TMEM276: variants seen among roughly 807,000 people sequenced by gnomAD.
The protein encoded by TMEM276 is transmembrane protein 276.
chr8:144,466,644 G>A, the TMEM276 span: 1 of 994,682 alleles, frequency 1.0e-6, no homozygotes, highest in Non-Finnish European at 1.4e-6. Context: ...CCCTCGGCTC[G>A]GCCCCGATGC....
the TMEM276 span, chr8:144,464,746 A>G: frequency 6.2e-7 from 1 of 1,603,434 alleles, no homozygotes; most frequent in Non-Finnish European, 8.5e-7. Flanking sequence ...TAATTCAGGA[A>G]ACTAGGTCCT....
the TMEM276 span, chr8:144,464,457 C>T: frequency 6.2e-7 from 1 of 1,612,324 alleles, no homozygotes; most frequent in African/African-American, 1.3e-5. Context: ...GGTCCCCATT[C>T]ACCCAGTGGA....
the TMEM276 span, chr8:144,465,150 G>A: frequency 3.5e-6 from 5 of 1,419,664 alleles, no homozygotes; most frequent in East Asian, 1.1e-4. Flanking sequence ...ACGACTCAGG[G>A]TCTAAGCTGG....
At chr8:144,465,169 T>G in the TMEM276 span, 1 of 1,374,734 alleles carries the variant, frequency 7.3e-7, no homozygotes, top group Non-Finnish European at 9.5e-7. Flanking sequence ...GGGGGGAACG[T>G]CAGCCCTGGG....
At chr8:144,466,481 G>A in the TMEM276 span, 1 of 1,333,768 alleles carries the variant, frequency 7.5e-7, no homozygotes, top group South Asian at 1.9e-5. Context: ...AGGGATGGTG[G>A]CGCCGCGGCG....
the TMEM276 span, chr8:144,464,834 A>T: frequency 6.2e-7 from 1 of 1,612,814 alleles, no homozygotes. Flanking sequence ...GGCTGCGTGC[A>T]GAGACACCAC....
the TMEM276 span, chr8:144,464,717 C>T: frequency 6.4e-7 from 1 of 1,565,654 alleles, no homozygotes; most frequent in Non-Finnish European, 8.7e-7. Flanking sequence ...CTTAGACGCA[C>T]TTCCCACCAA....
the TMEM276 span, chr8:144,464,485 G>A: frequency 6.2e-7 from 1 of 1,612,370 alleles, no homozygotes; most frequent in South Asian, 1.1e-5. Flanking sequence ...GGCCAGAAGG[G>A]GAAGGCCGAT....
the TMEM276 span, chr8:144,466,651 A>T: frequency 9.8e-7 from 1 of 1,022,382 alleles, no homozygotes; most frequent in Non-Finnish European, 1.3e-6. Context: ...CTCGGCCCCG[A>T]TGCTGGAAGC....
At chr8:144,466,662 G>T in the TMEM276 span, 3 of 1,103,778 alleles carry the variant, frequency 2.7e-6, no homozygotes, top group Non-Finnish European at 3.7e-6. Flanking sequence ...TGCTGGAAGC[G>T]TAGACTTCGG....
chr8:144,465,410 C>G, the TMEM276 span: 1 of 1,014,264 alleles, frequency 9.9e-7, no homozygotes. Flanking sequence ...CGCAACGCAC[C>G]GCCCACCGCC....
chr8:144,466,750 C>T, the TMEM276 span: 23 of 1,523,396 alleles, frequency 1.5e-5, no homozygotes, highest in African/African-American at 5.6e-5. Flanking sequence ...CGCCCCTGCC[C>T]CCTCCCTAGA....
the TMEM276 span, chr8:144,464,308 A>G: frequency 6.2e-7 from 1 of 1,613,048 alleles, no homozygotes; most frequent in Non-Finnish European, 8.5e-7. Flanking sequence ...GTTGGCCGTG[A>G]AGACAGCTAC....
chr8:144,464,186 C>T, the TMEM276 span: 2 of 1,613,134 alleles, frequency 1.2e-6, no homozygotes, highest in Non-Finnish European at 1.7e-6. Context: ...CTGCCTACAG[C>T]CAAGGCCCAG....
chr8:144,464,853 C>T, the TMEM276 span: 1 of 1,612,872 alleles, frequency 6.2e-7, no homozygotes, highest in Non-Finnish European at 8.5e-7. Flanking sequence ...ACTCCCAGCA[C>T]CAGATGGGAC....
the TMEM276 span, chr8:144,465,380 G>A: frequency 2.9e-6 from 3 of 1,032,380 alleles, no homozygotes; most frequent in Admixed American, 1.1e-4. Flanking sequence ...ACGCAGCGGC[G>A]AGCGGGAGGC....
At chr8:144,463,984 A>G in the TMEM276 span, 1 of 1,511,140 alleles carries the variant, frequency 6.6e-7, no homozygotes, top group Non-Finnish European at 8.8e-7. Context: ...CAGCACCCAG[A>G]CTCTGCCCCT....
the TMEM276 span, chr8:144,464,486 G>A: frequency 5.6e-6 from 9 of 1,612,256 alleles, no homozygotes; most frequent in African/African-American, 2.7e-5. Flanking sequence ...GCCAGAAGGG[G>A]AAGGCCGATG....
the TMEM276 span, chr8:144,464,032 G>C: frequency 2.0e-6 from 3 of 1,531,748 alleles, no homozygotes; most frequent in African/African-American, 4.2e-5. Context: ...TCAGTAGGCA[G>C]AAGAGTCTAC....
Sources: allele counts gnomAD v4.1 joint callset, GRCh38; gene constraint gnomAD v4.1.1; transcripts MANE v1.5; gene names NCBI Gene and HGNC (gene_info 2026-07-23, HGNC 2026-07-21).